The following ATF6 variants were observed in gnomAD, a reference collection of about 807,000 sequenced individuals.
ATF6 encodes activating transcription factor 6.
Under a neutral mutation model 83.6 loss-of-function variants are expected in ATF6, and 53 were observed. The ratio of observed to expected loss-of-function variants is 0.63; its 90% confidence interval spans 0.51 to 0.80. ATF6 has a LOEUF of 0.80. ATF6 is among the 30% of genes least tolerant of loss of function. The probability of loss-of-function intolerance (pLI) is 0.00; values close to 1 mark genes in which losing one functional copy is unlikely to be tolerated. For synonymous variants in ATF6, 288 were observed against 285.8 expected, an observed-to-expected ratio of 1.01 and a Z score of -0.08; for missense variants, 744 against 797.9, an observed-to-expected ratio of 0.93 and a Z score of 0.81.
chr1:161,935,238 T>C (rs1464541839), intron 15 of ATF6, among the ~76,000 whole-genome samples: 1 of 152,170 alleles, frequency 6.6e-6, no homozygotes, highest in African/African-American at 2.4e-5. Context: ...TAGGTAGGTA[T>C]AGATGTTCCT....
At chr1:161,848,110 G>A (rs1686525798) in intron 10 of ATF6, among the ~76,000 whole-genome samples, 2 of 140,106 alleles carry the variant, frequency 1.4e-5, no homozygotes, top group Admixed American at 7.7e-5. Flanking sequence ...TGGTCTTGGG[G>A]AAAAAAAAAA....
chr1:161,891,522 C>T (rs752752650), intron 14 of ATF6: 1 of 152,250 alleles, frequency 6.6e-6, no homozygotes, highest in African/African-American at 2.4e-5. Context: ...GGAAGATTAT[C>T]GCTGCACTGT....
intron 15 of ATF6, among the ~76,000 whole-genome samples, chr1:161,938,138 T>C (rs1688574687): frequency 6.6e-6 from 1 of 152,176 alleles, no homozygotes; most frequent in Non-Finnish European, 1.5e-5. Flanking sequence ...ACTCCCACCT[T>C]AGGGCCTTTG....
intron 15 of ATF6, among the ~76,000 whole-genome samples, chr1:161,933,782 G>T (rs1440737524): frequency 6.6e-6 from 1 of 152,048 alleles, no homozygotes; most frequent in Admixed American, 6.6e-5. Flanking sequence ...ATTTCCTATT[G>T]CCATCTCCCT....
At position 161,814,994 on chromosome 1, in the gene ATF6, A is replaced by C. The variant is rs529468176; in HGVS notation, c.910-4639A>C. Among the ~76,000 whole-genome samples the C allele has an allele frequency of 1.1e-4, 16 of 152,218 alleles. 1 individual carries two copies. The South Asian group carries it at 3.3e-3, about 32-fold the overall frequency. On this transcript the variant is annotated intron_variant, in intron 7 of 15. Transcript: ENST00000367942. ...GTCAGTTACAGTGAAGAGGTTAATC[A>C]GTAATGGCTTCCACTTTATCTATCA... is the stretch of plus-strand genomic sequence containing the variant.
At position 161,841,766 on chromosome 1, in the gene ATF6, A is replaced by G. The variant is rs186272329; in HGVS notation, c.1188-4683A>G. Among the ~76,000 whole-genome samples, 35 of 152,330 alleles carry G rather than the reference A, an allele frequency of 2.3e-4. No individual in the cohort carries two copies. In the East Asian group the frequency reaches 5.8e-3, roughly 25 times the overall value. ...CTATGGTTAAGGGTATATTGTCATT[A>G]CAATGTGATAATCATTACCAAAGTG... On this transcript the variant is annotated intron_variant, in intron 9 of 15. Coordinates refer to ENST00000367942, the MANE Select transcript of ATF6 (RefSeq NM_007348.4).
intron 14 of ATF6, among the ~76,000 whole-genome samples, chr1:161,869,799 T>G (rs1687083704): frequency 6.6e-6 from 1 of 151,948 alleles, no homozygotes; most frequent in Non-Finnish European, 1.5e-5. Flanking sequence ...TTTCACTTTA[T>G]TATATACAAA....
intron 6 of ATF6, among the ~76,000 whole-genome samples, chr1:161,798,247 C>T (rs1685066287): frequency 6.6e-6 from 1 of 152,074 alleles, no homozygotes; most frequent in South Asian, 2.1e-4. Flanking sequence ...GGACATAGGC[C>T]TTGTCAAAGA....
chr1:161,898,221 T>TA (rs1687714005), intron 14 of ATF6, among the ~76,000 whole-genome samples: 1 of 152,242 alleles, frequency 6.6e-6, no homozygotes, highest in Non-Finnish European at 1.5e-5. Flanking sequence ...ATGTGCTTTA[T>TA]GCAAGCCTTT....
At chr1:161,855,185 G>A (rs1472008646) in intron 12 of ATF6, among the ~76,000 whole-genome samples, 1 of 152,102 alleles carries the variant, frequency 6.6e-6, no homozygotes, top group Non-Finnish European at 1.5e-5. Flanking sequence ...GACCATGGTG[G>A]GGAGTATGAC....
At chr1:161,843,032 G>A (rs529255120) in intron 9 of ATF6, among the ~76,000 whole-genome samples, 6 of 152,306 alleles carry the variant, frequency 3.9e-5, no homozygotes, top group Admixed American at 1.3e-4. Context: ...GTTCAGTGTG[G>A]TAGATGGCTG....
chr1:161,945,368 T>C (rs1238151288), intron 15 of ATF6, among the ~76,000 whole-genome samples: 1 of 151,982 alleles, frequency 6.6e-6, no homozygotes, highest in Non-Finnish European at 1.5e-5. Context: ...TATTTCTCCT[T>C]ACCCTTGAGC....
rs1571232545 is a variant in ATF6, at chr1:161,912,959, A to C, written c.1804+579A>C. Among the ~76,000 whole-genome samples, 9 of 152,322 alleles carry C rather than the reference A, an allele frequency of 5.9e-5. No individual in the cohort carries two copies. The East Asian group carries it at 1.7e-3, about 29-fold the overall frequency. On this transcript the variant is annotated intron_variant, in intron 15 of 15. Transcript: ENST00000367942. ...GTTTAGAAGAAAAAAAAAGACAAGC[A>C]CAAAAATCACTGTACTCCAAAGAGA...
intron 14 of ATF6, among the ~76,000 whole-genome samples, chr1:161,909,568 TA>T (rs1687947282): frequency 2.6e-5 from 4 of 151,616 alleles, no homozygotes; most frequent in Admixed American, 6.6e-5. Context: ...CCCAACAAAA[TA>T]AAAACTTGGA....
chr1:161,859,966 T>G (rs1484307492), intron 12 of ATF6, among the ~76,000 whole-genome samples: 2 of 152,162 alleles, frequency 1.3e-5, no homozygotes, highest in Non-Finnish European at 2.9e-5. Flanking sequence ...GCTTTTGGGC[T>G]CTTTCTTTAA....
intron 9 of ATF6, among the ~76,000 whole-genome samples, chr1:161,831,555 A>T (rs1195750907): frequency 6.6e-6 from 1 of 152,134 alleles, no homozygotes; most frequent in Non-Finnish European, 1.5e-5. Flanking sequence ...CAAATGTCCA[A>T]CAATGATAGA....
chr1:161,892,598 G>A (rs1324492085), intron 14 of ATF6, among the ~76,000 whole-genome samples: 3 of 148,850 alleles, frequency 2.0e-5, no homozygotes, highest in Non-Finnish European at 4.4e-5. Context: ...TCCCTCATTA[G>A]CATTTCCCTC....
chr1:161,955,201 T>C (rs907333213), intron 15 of ATF6, among the ~76,000 whole-genome samples: 6 of 152,212 alleles, frequency 3.9e-5, no homozygotes, highest in African/African-American at 7.2e-5. Context: ...CAGTGTCTCA[T>C]ATCCCTGCCT....
intron 4 of ATF6, among the ~76,000 whole-genome samples, chr1:161,790,923 A>G (rs527812817): frequency 4.7e-4 from 71 of 152,352 alleles, no homozygotes; most frequent in African/African-American, 1.6e-3. Flanking sequence ...GAAAACAGAA[A>G]AGAATACAAA....
Sources: allele counts gnomAD v4.1 joint callset (sites outside exome capture counted in the v4.1 genomes callset), GRCh38; gene constraint gnomAD v4.1.1; transcripts MANE v1.5; gene names NCBI Gene and HGNC (gene_info 2026-07-23, HGNC 2026-07-21).